PRKX: variants seen among roughly 807,000 people sequenced by gnomAD.
PRKX encodes the protein protein kinase cAMP-dependent X-linked catalytic subunit, also known as cAMP-dependent protein kinase catalytic subunit PRKX.
A neutral mutation model predicts 22.0 loss-of-function variants in PRKX; 12 were observed. The observed-to-expected ratio is 0.54, with a 90% CI of 0.35 to 0.88. The LOEUF (loss-of-function observed/expected upper bound fraction) is 0.88. PRKX is among the 40% of genes least tolerant of loss of function. The probability of loss-of-function intolerance (pLI) is 0.01; values close to 1 mark genes in which losing one functional copy is unlikely to be tolerated. For missense variants in PRKX, 217 were observed against 308.0 expected (o/e 0.70, Z 2.21); for synonymous variants, 134 against 137.7 (o/e 0.97, Z 0.19).
intron 4 of PRKX, among the ~76,000 whole-genome samples, chrX:3,631,622 T>C (rs909735748): frequency 7.1e-5 from 8 of 112,530 alleles, no homozygotes; most frequent in Non-Finnish European, 1.1e-4. Flanking sequence ...ATGTGATTAA[T>C]TGAAGGATCT....
chrX:3,622,486 A>G (rs1968205), intron 5 of PRKX, among the ~76,000 whole-genome samples: 47,939 of 109,775 alleles, frequency 0.44, 7,993 homozygotes, highest in African/African-American at 0.54. Flanking sequence ...AGCCACTCCC[A>G]GGTTCTGTGA....
intron 1 of PRKX, among the ~76,000 whole-genome samples, chrX:3,701,364 C>T (rs1928567959): frequency 1.8e-5 from 2 of 112,391 alleles, no homozygotes; most frequent in Admixed American, 9.5e-5. Context: ...CCTTGACCTC[C>T]CAAAGCACTA....
In PRKX at chrX:3,687,783, A is replaced by G. The variant is rs1178145199; in HGVS notation, c.167-13017T>C. Among the ~76,000 whole-genome samples, 3 of 111,236 alleles carry G rather than the reference A, an allele frequency of 2.7e-5. No homozygotes were observed. In the East Asian group the frequency reaches 8.6e-4, roughly 32 times the overall value. On this transcript the variant is annotated intron_variant, in intron 1 of 8. Coordinates refer to ENST00000262848, the MANE Select transcript of PRKX (RefSeq NM_005044.5). ...ATGCAGGAGAAAAAAAACCCCAAAC[A>G]GGCCAATGTTGAGACATCATGACCA...
rs1160766106 is a variant in PRKX, at chrX:3,612,309, T to C, written c.968A>G (p.Lys323Arg). The C allele has an allele frequency of 1.7e-6, 2 of 1,210,083 alleles. No homozygotes were observed. The change falls in exon 8 of 9, where the codon AAG becomes AGG. Residue 323 changes from lysine (K) to arginine (R), a missense_variant. Coordinates refer to ENST00000262848, the MANE Select transcript of PRKX (RefSeq NM_005044.5). ...QRKLKPPIVP[K>R]IAGDGDTSNF... is the part of the protein sequence containing the mutation. ...GGAAGTGTCGCCGTCACCAGCTATC[T>C]TGGGCACGATGGGAGGCTGTGAGAC... is the stretch of plus-strand genomic sequence containing the variant.
Position 3,605,720 on chromosome X carries a change from G to C in PRKX, c.*3249C>G, listed in dbSNP as rs1171651999. 1 of 112,045 alleles carries C rather than the reference G, an allele frequency of 8.9e-6. No individual in the cohort carries two copies. Among genetic ancestry groups the C allele is most frequent in the Non-Finnish European group, 1.9e-5 (1 of 53,227 alleles). 9.2% of individuals were successfully genotyped at this position (112,045 alleles called of 1,213,427 possible). A position where few individuals can be genotyped will look rare whatever the true frequency, so the allele number is the denominator to read the frequency against. ...AAGTATGGACAGAAAGAAACAAAACGCTGAATGGGAAATTCAGTAACAAGT... is the reference window on the plus strand; with the variant it reads ...AAGTATGGACAGAAAGAAACAAAACCCTGAATGGGAAATTCAGTAACAAGT... On this transcript the variant is annotated 3_prime_UTR_variant, in exon 9 of 9. Transcript: ENST00000262848.
Position 3,639,478 on chromosome X carries a change from TAGGGGG to T in PRKX, c.719+2368_719+2373del, listed in dbSNP as rs1927010576. ...GTGGGGGGGTGGATGGATGAAGGGG[TAGGGGG>T]TGGGGGAGTGGGTACATGGATGGAT... On this transcript the variant is annotated intron_variant, in intron 4 of 8. Coordinates refer to ENST00000262848, the MANE Select transcript of PRKX (RefSeq NM_005044.5). Among the ~76,000 whole-genome samples the T allele has an allele frequency of 8.5e-4, 12 of 14,153 alleles. 1 individual carries two copies. The highest frequency in any genetic ancestry group is 1.4e-3 in the Non-Finnish European group (11 of 7,909). 12.3% of individuals were successfully genotyped at this position (14,153 alleles called of 115,157 possible). A position where few individuals can be genotyped will look rare whatever the true frequency, so the allele number is the denominator to read the frequency against.
At chrX:3,647,893 C>T (rs1052939088) in intron 3 of PRKX, among the ~76,000 whole-genome samples, 18 of 110,317 alleles carry the variant, frequency 1.6e-4, no homozygotes, top group African/African-American at 5.3e-4. Flanking sequence ...TGCACCTCCC[C>T]GGCCCCTGGC....
intron 6 of PRKX, among the ~76,000 whole-genome samples, chrX:3,616,985 TACAC>T (rs921775641): frequency 9.0e-6 from 1 of 111,043 alleles, no homozygotes; most frequent in Non-Finnish European, 1.9e-5. Context: ...TAGTAATATA[TACAC>T]ACACACATAC....
At chrX:3,713,036 C>T in intron 1 of PRKX, 52 bp downstream of exon 1, 1 of 1,121,804 alleles carries the variant, frequency 8.9e-7, no homozygotes, top group South Asian at 2.1e-5. Context: ...CTACAACGTC[C>T]CGGCCACGCC....
intron 4 of PRKX, among the ~76,000 whole-genome samples, chrX:3,640,327 G>C (rs1171422863): frequency 1.8e-5 from 2 of 111,241 alleles, no homozygotes; most frequent in Non-Finnish European, 3.8e-5. Context: ...CTTTCGTGCA[G>C]AGCCACATGG....
At chrX:3,637,836 G>A (rs1379450576) in intron 4 of PRKX, among the ~76,000 whole-genome samples, 4 of 106,628 alleles carry the variant, frequency 3.8e-5, no homozygotes, top group African/African-American at 6.9e-5. Context: ...GTGCGATCTC[G>A]GCTCACCGCA....
At chrX:3,630,800 C>G (rs140056358) in intron 4 of PRKX, among the ~76,000 whole-genome samples, 206 of 111,548 alleles carry the variant, frequency 1.8e-3, no homozygotes, top group Non-Finnish European at 3.5e-3. Flanking sequence ...AGAAACCACT[C>G]CCATGATCCA....
chrX:3,643,053 T>C (rs6641814), intron 3 of PRKX, among the ~76,000 whole-genome samples: 21,476 of 91,704 alleles, frequency 0.23, 3,017 homozygotes, highest in African/African-American at 0.42. Flanking sequence ...GGGTTTGTAC[T>C]TGTAACTGAG....
At chrX:3,689,715 C>G (rs780406146) in intron 1 of PRKX, among the ~76,000 whole-genome samples, 14 of 111,814 alleles carry the variant, frequency 1.3e-4, no homozygotes, top group Non-Finnish European at 2.4e-4. Context: ...CGGTGGCTCA[C>G]ACCTGTAATC....
At chrX:3,712,880 G>A (rs1351443214) in intron 1 of PRKX, among the ~76,000 whole-genome samples, 4 of 112,709 alleles carry the variant, frequency 3.5e-5, no homozygotes, top group African/African-American at 1.3e-4. Flanking sequence ...GGCCGGTCGG[G>A]GGTACTTGCC....
chrX:3,660,564 A>G lies in PRKX; in HGVS notation c.336-5152T>C, dbSNP rs147403920. On this transcript the variant is annotated intron_variant, in intron 2 of 8. Coordinates refer to ENST00000262848, the MANE Select transcript of PRKX (RefSeq NM_005044.5). ...ATATATCCTGTATCCTCCCCCATCT[A>G]CCTCACTCTGGGATAATAATCTGCA... 5.4e-3 allele frequency among the ~76,000 whole-genome samples: 606 copies of G among 111,322 alleles called. 3 individuals carry two copies. Among genetic ancestry groups the G allele is most frequent in the African/African-American group, 0.019 (581 of 30,654 alleles).
intron 8 of PRKX, chrX:3,611,137 G>T (rs923244028): frequency 9.0e-5 from 10 of 111,729 alleles, no homozygotes; most frequent in Non-Finnish European, 1.3e-4. Flanking sequence ...CTATCATTTT[G>T]TTGTCTATTA....
At chrX:3,644,474 AG>A (rs1465501006) in intron 3 of PRKX, among the ~76,000 whole-genome samples, 53 of 109,214 alleles carry the variant, frequency 4.9e-4, no homozygotes, top group Non-Finnish European at 8.0e-4. Flanking sequence ...AAAGAAGACA[AG>A]GAGAGAAATT....
At chrX:3,681,790 C>T (rs1158273663) in intron 1 of PRKX, among the ~76,000 whole-genome samples, 1 of 109,858 alleles carries the variant, frequency 9.1e-6, no homozygotes, top group African/African-American at 3.3e-5. Flanking sequence ...TGGCCTTTTC[C>T]TCTCTTCCTC....
Sources: gnomAD v4.1 joint callset for allele counts (sites outside exome capture counted in the v4.1 genomes callset) on GRCh38, gnomAD v4.1.1 for gene constraint, MANE v1.5 for transcripts, NCBI Gene and HGNC (gene_info 2026-07-23, HGNC 2026-07-21) for gene names.